The following SF3A2 variants were observed in gnomAD, a reference collection of about 807,000 sequenced individuals.
The protein encoded by SF3A2 is SAP 62.
A neutral mutation model predicts 31.1 loss-of-function variants in SF3A2; 5 were observed. That is an observed-to-expected ratio of 0.16 (90% CI 0.08 to 0.34). SF3A2 has a LOEUF of 0.34. Ranked by LOEUF, SF3A2 falls within the 10% of genes least tolerant of loss-of-function variation. The pLI is 1.00. For missense variants in SF3A2, 577 were observed against 643.9 expected (o/e 0.90, Z 1.13); for synonymous variants, 365 against 263.7 (o/e 1.38, Z -3.72).
intron 1 of SF3A2, among the ~76,000 whole-genome samples, chr19:2,239,245 A>G (rs971870624): frequency 6.6e-6 from 1 of 152,016 alleles, no homozygotes; most frequent in South Asian, 2.1e-4. Flanking sequence ...TGTGCCTGTA[A>G]TCTCAGCTAC....
intron 1 of SF3A2, among the ~76,000 whole-genome samples, chr19:2,241,761 TCTC>T (rs1232648833): frequency 6.6e-6 from 1 of 152,142 alleles, no homozygotes. Flanking sequence ...GGTGTCACAG[TCTC>T]CTTTTTCACA....
At chr19:2,238,827 T>C (rs1274495876) in intron 1 of SF3A2, among the ~76,000 whole-genome samples, 2 of 152,208 alleles carry the variant, frequency 1.3e-5, no homozygotes. Context: ...TGGGACTGGT[T>C]GTGCTCTGAC....
chr19:2,248,457 C>CCG lies in SF3A2; in HGVS notation c.1306_1307insCG (p.His436ProfsTer11). On this transcript the variant is annotated frameshift_variant, in exon 9 of 9. Coordinates refer to ENST00000221494, the MANE Select transcript of SF3A2 (RefSeq NM_007165.5). LOFTEE classifies it high-confidence loss of function. ...AGTTCACCCCTCAAATCCTGGGGTGCACCCCCCAACTCCCATGCCCCCAAT... is the reference window on the plus strand; with the variant it reads ...AGTTCACCCCTCAAATCCTGGGGTGCCGACCCCCCAACTCCCATGCCCCCAAT... The CCG allele has an allele frequency of 1.6e-6, 2 of 1,284,976 alleles. No homozygotes were observed. The highest frequency in any genetic ancestry group is 2.0e-6 in the Non-Finnish European group (2 of 992,512). The allele number at this position is 1,284,976 out of a possible 1,614,324, so 79.6% of individuals were successfully genotyped here. A position where few individuals can be genotyped will look rare whatever the true frequency, so the allele number is the denominator to read the frequency against.
chr19:2,238,468 T>G (rs1250608642), intron 1 of SF3A2, among the ~76,000 whole-genome samples: 2 of 140,128 alleles, frequency 1.4e-5, no homozygotes, highest in African/African-American at 5.0e-5. Context: ...TGTTGAGATC[T>G]TCTCCCTCCC....
rs2024968679 is a variant in SF3A2 at position 2,248,482 on chromosome 19, T to C, written c.1331T>C (p.Met444Thr). 2 of 1,021,202 alleles carry C rather than the reference T, an allele frequency of 2.0e-6. No individual in the cohort carries two copies. The highest frequency in any genetic ancestry group is 2.4e-6 in the Non-Finnish European group (2 of 821,788). The allele number at this position is 1,021,202 out of a possible 1,614,324, so 63.3% of individuals were successfully genotyped here. A position where few individuals can be genotyped will look rare whatever the true frequency, so the allele number is the denominator to read the frequency against. ...CACCCCCCAACTCCCATGCCCCCAA[T>C]GCTGAGGCCCCCACTTCCCTCCGAA... ...GVHPPTPMPP[M>T]LRPPLPSEGP... The change falls in exon 9 of 9, where the codon ATG becomes ACG. Residue 444 changes from methionine to threonine, a missense_variant. By Grantham distance (81) the Met-to-Thr change is moderately conservative. This residue lies in a region of SF3A2 where 462 missense variants were observed against 339.1 expected (regional missense o/e 1.36). Coordinates refer to ENST00000221494, the MANE Select transcript of SF3A2 (RefSeq NM_007165.5).
chr19:2,241,920 T>C (rs963213147), intron 1 of SF3A2, among the ~76,000 whole-genome samples: 2 of 152,208 alleles, frequency 1.3e-5, no homozygotes, highest in African/African-American at 4.8e-5. Context: ...GATACTGCAG[T>C]GAGCTGGGAG....
intron 1 of SF3A2, among the ~76,000 whole-genome samples, chr19:2,240,433 C>T (rs1278273805): frequency 1.3e-5 from 2 of 152,204 alleles, no homozygotes; most frequent in Non-Finnish European, 2.9e-5. Flanking sequence ...CCCGGGGTGC[C>T]GCCCCATTTC....
intron 1 of SF3A2, among the ~76,000 whole-genome samples, chr19:2,241,539 C>T (rs934021341): frequency 1.3e-5 from 2 of 152,224 alleles, no homozygotes; most frequent in African/African-American, 4.8e-5. Context: ...TCCTGCCCGC[C>T]TGTGGGCCGT....
At position 2,245,222 on chromosome 19, in the gene SF3A2, T is replaced by C. The variant is rs2024921839; in HGVS notation, c.246-224T>C. 1.9e-6 allele frequency: 1 copy of C among 531,150 alleles called. No individual in the cohort carries two copies. Among genetic ancestry groups the C allele is most frequent in the East Asian group, 3.0e-5 (1 of 33,176 alleles). The allele number at this position is 531,150 out of a possible 1,614,324, so 32.9% of individuals were successfully genotyped here. A position where few individuals can be genotyped will look rare whatever the true frequency, so the allele number is the denominator to read the frequency against. On this transcript the variant is annotated intron_variant, in intron 4 of 8. Coordinates refer to ENST00000221494, the MANE Select transcript of SF3A2 (RefSeq NM_007165.5). This position sits in a 1 kb window ranked among gnomAD's most constrained non-coding sequence, Gnocchi z 4.2. ...AAAAAAGAGCAGAGGCATGGAGTTG[T>C]TGGAAGGGCCCCAGCCAGGGACAGT...
At chr19:2,240,601 A>G (rs2024881093) in intron 1 of SF3A2, among the ~76,000 whole-genome samples, 2 of 152,182 alleles carry the variant, frequency 1.3e-5, no homozygotes, top group Admixed American at 6.5e-5. Flanking sequence ...TCCCTGTGAC[A>G]GCTGGAGCTT....
chr19:2,238,412 G>A (rs2024857653), intron 1 of SF3A2, among the ~76,000 whole-genome samples: 1 of 152,120 alleles, frequency 6.6e-6, no homozygotes, highest in Admixed American at 6.6e-5. Flanking sequence ...ATTTCTTCAT[G>A]GATTTATCAA....
chr19:2,244,435 G>T, intron 2 of SF3A2, 109 bp from the exon 3 acceptor site: 1 of 815,962 alleles, frequency 1.2e-6, no homozygotes, highest in Non-Finnish European at 2.0e-6. Flanking sequence ...CTCTACAGAA[G>T]GGGGGTTCTG....
chr19:2,242,122 C>T (rs559083018), intron 1 of SF3A2, among the ~76,000 whole-genome samples: 73 of 146,184 alleles, frequency 5.0e-4, no homozygotes, highest in East Asian at 7.7e-4. Context: ...TGTCCCTCAG[C>T]GTGCCCCTGC....
chr19:2,248,020 C>T lies in SF3A2; in HGVS notation c.869C>T (p.Pro290Leu), dbSNP rs764926581. The T allele has an allele frequency of 9.3e-6, 9 of 965,304 alleles. No individual in the cohort carries two copies. The highest frequency in any genetic ancestry group is 5.2e-5 in the East Asian group (2 of 38,316). 59.8% of individuals were successfully genotyped at this position (965,304 alleles called of 1,614,324 possible). The change falls in exon 9 of 9, where the codon CCG becomes CTG. Residue 290 changes from proline (P) to leucine (L), a missense_variant. Around this residue, in one of 6 missense-constraint regions of SF3A2, gnomAD observed 462 missense variants for 339.1 expected, o/e 1.36. Coordinates refer to ENST00000221494, the MANE Select transcript of SF3A2 (RefSeq NM_007165.5). ...LPPPAPGVHP[P>L]APVVHPPASG... Reference sequence around the variant, plus strand: ...CCGCCAGCTCCAGGGGTCCACCCCCCGGCCCCAGTGGTGCATCCCCCTGCA... The same window carrying T: ...CCGCCAGCTCCAGGGGTCCACCCCCTGGCCCCAGTGGTGCATCCCCCTGCA...
chr19:2,239,898 G>C (rs1018021235), intron 1 of SF3A2, among the ~76,000 whole-genome samples: 2 of 152,102 alleles, frequency 1.3e-5, no homozygotes, highest in African/African-American at 2.4e-5. Flanking sequence ...TCAGCTTCCT[G>C]TTCTGGGTTT....
Position 2,236,899 on chromosome 19 carries a change from C to T in SF3A2, c.-40C>T, listed in dbSNP as rs941541471. The stretch of plus-strand genomic sequence containing the variant: ...GGAGGAGATAACGCGGCCTTGGGCT[C>T]TGGTGAGGAGTAGAGGCGGTTGAGG... On this transcript the variant is annotated splice_region_variant and 5_prime_UTR_variant, in exon 1 of 9. Transcript: ENST00000221494. 2 of 152,024 alleles carry T rather than the reference C, an allele frequency of 1.3e-5. No homozygotes were observed. The highest frequency in any genetic ancestry group is 2.4e-5 in the African/African-American group (1 of 41,374). The allele number at this position is 152,024 out of a possible 1,614,324, so 9.4% of individuals were successfully genotyped here.
At position 2,238,241 on chromosome 19, in the gene SF3A2, C is replaced by T. The variant is rs2024854921; in HGVS notation, c.-38+1340C>T. On this transcript the variant is annotated intron_variant, in intron 1 of 8. Coordinates refer to ENST00000221494, the MANE Select transcript of SF3A2 (RefSeq NM_007165.5). Reference sequence around the variant, plus strand: ...GTTTCGCCATGTTGCCCAGGCTGGTCTCGAACTCCTGACCAGGTGATCCAC... The same window carrying T: ...GTTTCGCCATGTTGCCCAGGCTGGTTTCGAACTCCTGACCAGGTGATCCAC... Among the ~76,000 whole-genome samples the T allele has an allele frequency of 2.0e-5, 3 of 152,186 alleles. No homozygotes were observed. The South Asian group carries it at 6.2e-4, about 32-fold the overall frequency.
At position 2,243,439 on chromosome 19, in the gene SF3A2, C is replaced by G. The variant is rs771523786; in HGVS notation, c.21C>G (p.Pro7=). The change falls in exon 2 of 9, where the codon CCC becomes CCG. Residue 7 remains proline, a synonymous_variant. Transcript: ENST00000221494. ...TCACCATGGACTTCCAGCATCGCCC[C>G]GGGGGCAAGACCGGGAGCGGGGGCG... MDFQHR[P]GGKTGSGGVA... is the part of the protein sequence containing the mutation. 1.9e-6 allele frequency: 3 copies of G among 1,553,064 alleles called. No homozygotes were observed. Among genetic ancestry groups the G allele is most frequent in the Non-Finnish European group, 2.6e-6 (3 of 1,155,684 alleles).
intron 1 of SF3A2, among the ~76,000 whole-genome samples, chr19:2,240,070 C>T (rs2024875395): frequency 6.6e-6 from 1 of 152,196 alleles, no homozygotes; most frequent in South Asian, 2.1e-4. Context: ...GGTCAACTGC[C>T]CAGTGGCCTG....
Sources: allele counts gnomAD v4.1 joint callset (sites outside exome capture counted in the v4.1 genomes callset), GRCh38; gene constraint gnomAD v4.1.1; regional missense constraint gnomAD v4.1.1; non-coding constraint Gnocchi (gnomAD v3.1); transcripts MANE v1.5; gene names NCBI Gene and HGNC (gene_info 2026-07-23, HGNC 2026-07-21).